The following AGBL4 variants were observed in gnomAD, a reference collection of about 807,000 sequenced individuals.
The protein encoded by AGBL4 is cytosolic carboxypeptidase 6.
In AGBL4, 58 loss-of-function variants were observed where a neutral mutation model predicts 66.4. The observed-to-expected ratio is 0.87, with a 90% CI of 0.71 to 1.09. The LOEUF (loss-of-function observed/expected upper bound fraction) is 1.09, where lower values mean the gene tolerates loss of function less well. Ranked by LOEUF, AGBL4 falls within the 50% of genes least tolerant of loss-of-function variation. AGBL4 has a pLI of 0.00. For synonymous variants in AGBL4, 234 were observed against 222.9 expected (o/e 1.05, Z -0.44); for missense variants, 579 against 631.0 (o/e 0.92, Z 0.88).
At chr1:49,428,462 C>A (rs1190588193) in intron 3 of AGBL4, among the ~76,000 whole-genome samples, 1 of 152,124 alleles carries the variant, frequency 6.6e-6, no homozygotes, top group Non-Finnish European at 1.5e-5. Context: ...ACCAGAGATT[C>A]ACAGAAAATA....
intron 4 of AGBL4, among the ~76,000 whole-genome samples, chr1:49,178,464 A>G (rs1646870803): frequency 6.6e-6 from 1 of 152,184 alleles, no homozygotes; most frequent in South Asian, 2.1e-4. Flanking sequence ...CCCCTTGCAC[A>G]GAATTCTGAT....
chr1:49,298,001 G>T lies in AGBL4; in HGVS notation c.283-52137C>A, dbSNP rs377388959. ...CTTCCGGCCAGGAGGCTGCTGTGTAGGCAGGAACGTCTGCCTTTGAATTTG... is the reference window on the plus strand; with the variant it reads ...CTTCCGGCCAGGAGGCTGCTGTGTATGCAGGAACGTCTGCCTTTGAATTTG... On this transcript the variant is annotated intron_variant, in intron 3 of 13. Coordinates refer to ENST00000371839, the MANE Select transcript of AGBL4 (RefSeq NM_032785.4). 3.3e-4 allele frequency among the ~76,000 whole-genome samples: 50 copies of T among 152,274 alleles called. 1 individual carries two copies. In the South Asian group the frequency reaches 9.5e-3, roughly 29 times the overall value.
intron 3 of AGBL4, among the ~76,000 whole-genome samples, chr1:49,501,097 G>C (rs539710953): frequency 6.6e-6 from 1 of 151,962 alleles, no homozygotes; most frequent in Non-Finnish European, 1.5e-5. Context: ...TTCTTGATTA[G>C]GTATATTGCT....
intron 11 of AGBL4, among the ~76,000 whole-genome samples, chr1:48,567,946 C>G (rs1362350965): frequency 6.6e-6 from 1 of 152,110 alleles, no homozygotes; most frequent in East Asian, 1.9e-4. Context: ...GGATGAGGGA[C>G]CTGTACGTTG....
Position 49,116,933 on chromosome 1 carries a change from T to A in AGBL4, c.378-71133A>T, listed in dbSNP as rs1203098700. 2.0e-5 allele frequency among the ~76,000 whole-genome samples: 3 copies of A among 152,226 alleles called. No individual in the cohort carries two copies. The East Asian group carries it at 5.8e-4, about 29-fold the overall frequency. ...ACATTCTAACTGGCGTAAGATGAAA[T>A]CTCATTGTGGTTTTCATTTGCATTT... is the stretch of plus-strand genomic sequence containing the variant. On this transcript the variant is annotated intron_variant, in intron 4 of 13. Transcript: ENST00000371839.
At chr1:48,922,848 A>T (rs1422404402) in intron 5 of AGBL4, among the ~76,000 whole-genome samples, 1 of 151,842 alleles carries the variant, frequency 6.6e-6, no homozygotes, top group Non-Finnish European at 1.5e-5. Context: ...AATAATGTCA[A>T]ATAATGTGGG....
intron 11 of AGBL4, among the ~76,000 whole-genome samples, chr1:48,551,732 T>C (rs1644251737): frequency 6.6e-6 from 1 of 152,040 alleles, no homozygotes; most frequent in South Asian, 2.1e-4. Context: ...TCCTGTAAAA[T>C]TGGCGGGCAG....
chr1:49,421,988 T>A (rs1468639330), intron 3 of AGBL4, among the ~76,000 whole-genome samples: 1 of 152,210 alleles, frequency 6.6e-6, no homozygotes, highest in Non-Finnish European at 1.5e-5. Context: ...TGTCTTTCAT[T>A]GCAGTAACTC....
rs1652838344 is a variant in AGBL4, at chr1:49,926,942, C to G, written c.35-75424G>C. On this transcript the variant is annotated intron_variant, in intron 1 of 13. Coordinates refer to ENST00000371839, the MANE Select transcript of AGBL4 (RefSeq NM_032785.4). The stretch of plus-strand genomic sequence containing the variant: ...GATACCACAATAGGCCATCTGCAAG[C>G]TGAGGAGCAAGGAGAAACAGTCTGA... Among the ~76,000 whole-genome samples the G allele has an allele frequency of 2.0e-5, 3 of 152,130 alleles. No individual in the cohort carries two copies. In the South Asian group the frequency reaches 6.2e-4, roughly 32 times the overall value.
intron 5 of AGBL4, among the ~76,000 whole-genome samples, chr1:48,953,157 G>T (rs946884743): frequency 6.6e-6 from 1 of 152,102 alleles, no homozygotes; most frequent in Non-Finnish European, 1.5e-5. Context: ...ATTGAATCTC[G>T]GTAGCTCACA....
intron 6 of AGBL4, chr1:48,759,139 T>A (rs754386085): frequency 6.8e-6 from 11 of 1,613,916 alleles, no homozygotes; most frequent in Non-Finnish European, 8.5e-6. Context: ...ACTGTCCATG[T>A]CCTCTGTGCC....
chr1:49,206,221 C>A (rs1159445829), intron 4 of AGBL4, among the ~76,000 whole-genome samples: 3 of 152,124 alleles, frequency 2.0e-5, no homozygotes, highest in African/African-American at 7.2e-5. Flanking sequence ...AGTTCACAAT[C>A]AGCTTTTCTA....
intron 5 of AGBL4, among the ~76,000 whole-genome samples, chr1:48,917,622 G>A (rs890255212): frequency 1.3e-5 from 2 of 152,152 alleles, no homozygotes; most frequent in South Asian, 4.1e-4. Context: ...TACTTCTTAA[G>A]TGCCTCAAAC....
intron 2 of AGBL4, among the ~76,000 whole-genome samples, chr1:49,785,041 A>C (rs955823891): frequency 6.6e-6 from 1 of 152,080 alleles, no homozygotes; most frequent in African/African-American, 2.4e-5. Context: ...ATATCTGTAA[A>C]GTATTCATCT....
chr1:49,469,012 T>A (rs1293848186), intron 3 of AGBL4, among the ~76,000 whole-genome samples: 1 of 151,840 alleles, frequency 6.6e-6, no homozygotes, highest in African/African-American at 2.4e-5. Flanking sequence ...TGTCATGGTA[T>A]TTCAGATGAA....
At chr1:49,011,729 T>C (rs1662433642) in intron 5 of AGBL4, among the ~76,000 whole-genome samples, 1 of 151,968 alleles carries the variant, frequency 6.6e-6, no homozygotes, top group Non-Finnish European at 1.5e-5. Context: ...ATGTCCTTTG[T>C]AGGGACATGG....
chr1:49,874,806 AT>A (rs879369220), intron 1 of AGBL4, among the ~76,000 whole-genome samples: 39 of 151,868 alleles, frequency 2.6e-4, no homozygotes, highest in Non-Finnish European at 5.4e-4. Flanking sequence ...TATTTCTATT[AT>A]TTTTTTGTTT....
At chr1:49,461,060 T>A (rs753133997) in intron 3 of AGBL4, among the ~76,000 whole-genome samples, 2 of 151,718 alleles carry the variant, frequency 1.3e-5, no homozygotes, top group African/African-American at 2.4e-5. Context: ...TTAGATAGCC[T>A]GATGACTATG....
chr1:49,204,373 C>T (rs1456960132), intron 4 of AGBL4, among the ~76,000 whole-genome samples: 3 of 151,896 alleles, frequency 2.0e-5, no homozygotes, highest in African/African-American at 7.3e-5. Context: ...TGGCCTCAAG[C>T]AATCCTCCCT....
Sources: allele counts gnomAD v4.1 joint callset (sites outside exome capture counted in the v4.1 genomes callset), GRCh38; gene constraint gnomAD v4.1.1; transcripts MANE v1.5; gene names NCBI Gene and HGNC (gene_info 2026-07-23, HGNC 2026-07-21).